PALM2AKAP2: variants seen among roughly 807,000 people sequenced by gnomAD.
PALM2AKAP2 encodes PALM2 and AKAP2 fusion.
Under a neutral mutation model 71.5 loss-of-function variants are expected in PALM2AKAP2, and 37 were observed. That is an observed-to-expected ratio of 0.52 (90% confidence interval 0.40 to 0.68). The LOEUF (loss-of-function observed/expected upper bound fraction) is 0.68, where lower values mean the gene tolerates loss of function less well. Ranked by LOEUF, PALM2AKAP2 falls within the 30% of genes least tolerant of loss-of-function variation. PALM2AKAP2 has a pLI of 0.00. For synonymous variants in PALM2AKAP2, 468 were observed against 478.8 expected, an observed-to-expected ratio of 0.98 and a Z score of 0.29; for missense variants, 1,224 against 1,191.8, an observed-to-expected ratio of 1.03 and a Z score of -0.40.
chr9:109,922,893 C>T (rs1450780823), intron 3 of PALM2AKAP2, among the ~76,000 whole-genome samples: 2 of 152,202 alleles, frequency 1.3e-5, no homozygotes, highest in Admixed American at 6.5e-5. Context: ...CCAAGCCCTA[C>T]TGATCTCATC....
intron 6 of PALM2AKAP2, among the ~76,000 whole-genome samples, chr9:109,964,563 G>A (rs1455579131): frequency 6.6e-6 from 1 of 152,130 alleles, no homozygotes; most frequent in African/African-American, 2.4e-5. Context: ...GACTTTCTTG[G>A]TTTTTGCTCT....
intron 5 of PALM2AKAP2, among the ~76,000 whole-genome samples, chr9:109,931,307 G>T (rs1588017002): frequency 6.6e-6 from 1 of 152,186 alleles, no homozygotes; most frequent in Non-Finnish European, 1.5e-5. Context: ...GGCTAATGGT[G>T]GGCTCAAGGG....
At chr9:110,150,490 T>C (rs1015787596) in intron 2 of PALM2AKAP2, among the ~76,000 whole-genome samples, 4 of 152,184 alleles carry the variant, frequency 2.6e-5, no homozygotes, top group Admixed American at 6.5e-5. Flanking sequence ...TCTCTCTCTC[T>C]CTCTCGCTGA....
upstream of PALM2AKAP2, among the ~76,000 whole-genome samples, chr9:109,775,815 A>C (rs1182194639): frequency 6.6e-6 from 1 of 152,210 alleles, no homozygotes; most frequent in Non-Finnish European, 1.5e-5. Context: ...ATTGGCTATG[A>C]TCGTTTGTGA....
exon 2 of PALM2AKAP2, chr9:110,137,049 G>A (rs1461291936): frequency 6.2e-7 from 1 of 1,614,130 alleles, no homozygotes; most frequent in South Asian, 1.1e-5. Flanking sequence ...CGCAAAGAGA[G>A]AAGGGCACAG....
At chr9:110,168,460 G>C in exon 4 of PALM2AKAP2, 1 of 1,614,174 alleles carries the variant, frequency 6.2e-7, no homozygotes, top group Non-Finnish European at 8.5e-7. Flanking sequence ...TGGGAAGCAG[G>C]GATCTATGCC....
At chr9:110,118,227 T>C (rs7848050) in intron 1 of PALM2AKAP2, among the ~76,000 whole-genome samples, 1 of 150,518 alleles carries the variant, frequency 6.6e-6, no homozygotes, top group African/African-American at 2.4e-5. Flanking sequence ...ACACACAAAT[T>C]ATATCCTTAT....
chr9:110,019,053 A>C lies in PALM2AKAP2; in HGVS notation c.582+3014A>C, dbSNP rs1173813048. Among the ~76,000 whole-genome samples the C allele has an allele frequency of 2.0e-5, 3 of 152,084 alleles. No homozygotes were observed. In the East Asian group the frequency reaches 5.8e-4, roughly 29 times the overall value. ...TCAGGAGATCGAGACCATCCTGGCCAACATGTGAAATGCCGACTCTACTAA... is the reference window on the plus strand; with the variant it reads ...TCAGGAGATCGAGACCATCCTGGCCCACATGTGAAATGCCGACTCTACTAA... On this transcript the variant is annotated intron_variant, in intron 7 of 9. Coordinates refer to the PALM2AKAP2 transcript ENST00000302798.
At chr9:109,750,247 T>A (rs1315368234) in intron 1 of PALM2AKAP2, among the ~76,000 whole-genome samples, 1 of 152,198 alleles carries the variant, frequency 6.6e-6, no homozygotes, top group African/African-American at 2.4e-5. Flanking sequence ...AATAGGGACT[T>A]GCTCAAGCAC....
intron 2 of PALM2AKAP2, among the ~76,000 whole-genome samples, chr9:109,873,550 C>T (rs1419630710): frequency 6.6e-6 from 1 of 152,238 alleles, no homozygotes; most frequent in East Asian, 1.9e-4. Flanking sequence ...ATATCAGCTT[C>T]AGCCAGATTA....
intron 1 of PALM2AKAP2, among the ~76,000 whole-genome samples, chr9:110,126,571 G>A (rs547471913): frequency 1.6e-4 from 24 of 152,296 alleles, no homozygotes; most frequent in African/African-American, 5.1e-4. Flanking sequence ...TTGATAGGGC[G>A]CTCAGTATCC....
intron 6 of PALM2AKAP2, among the ~76,000 whole-genome samples, chr9:109,936,784 A>G (rs1831228316): frequency 6.6e-6 from 1 of 152,240 alleles, no homozygotes; most frequent in African/African-American, 2.4e-5. Flanking sequence ...TGATCTGGAT[A>G]GGAATTCAGA....
chr9:110,015,165 C>T (rs533344420), intron 6 of PALM2AKAP2, among the ~76,000 whole-genome samples: 1 of 152,124 alleles, frequency 6.6e-6, no homozygotes, highest in South Asian at 2.1e-4. Context: ...TAGTTATTTC[C>T]AGTAGATATA....
chr9:110,103,447 T>C (rs917086467), intron 1 of PALM2AKAP2, among the ~76,000 whole-genome samples: 4 of 152,200 alleles, frequency 2.6e-5, no homozygotes, highest in Non-Finnish European at 5.9e-5. Context: ...AGTGGTGGTG[T>C]TAAATTTACA....
At chr9:109,957,871 G>A (rs996341212) in intron 6 of PALM2AKAP2, among the ~76,000 whole-genome samples, 3 of 152,222 alleles carry the variant, frequency 2.0e-5, no homozygotes, top group African/African-American at 4.8e-5. Context: ...AGCAGCACAC[G>A]GGTGCCCAGG....
At chr9:109,884,246 G>A (rs780268452) in intron 3 of PALM2AKAP2, among the ~76,000 whole-genome samples, 67 of 152,300 alleles carry the variant, frequency 4.4e-4, no homozygotes, top group East Asian at 1.2e-3. Flanking sequence ...TGGATCACCC[G>A]AGGTCAGGAG....
At chr9:109,879,152 C>T (rs1361119301) in intron 2 of PALM2AKAP2, among the ~76,000 whole-genome samples, 1 of 152,232 alleles carries the variant, frequency 6.6e-6, no homozygotes. Context: ...TCAGGGAGTG[C>T]TCCAAGCCTC....
chr9:109,643,451 G>C (rs1264490539), intron 1 of PALM2AKAP2, among the ~76,000 whole-genome samples: 2 of 152,158 alleles, frequency 1.3e-5, no homozygotes, highest in African/African-American at 2.4e-5. Context: ...TTAGCACTTG[G>C]GTGCTCAATA....
chr9:109,986,097 C>T (rs2132218406), intron 6 of PALM2AKAP2, among the ~76,000 whole-genome samples: 1 of 152,330 alleles, frequency 6.6e-6, no homozygotes, highest in South Asian at 2.1e-4. Flanking sequence ...AACATTTAAC[C>T]TTAGGCTGTG....
Sources: gnomAD v4.1 joint callset for allele counts (sites outside exome capture counted in the v4.1 genomes callset) on GRCh38, gnomAD v4.1.1 for gene constraint, MANE v1.5 for transcripts, NCBI Gene and HGNC (gene_info 2026-07-23, HGNC 2026-07-21) for gene names.